Variants in CSMD3 observed in about 807,000 individuals in gnomAD.
CSMD3 encodes the protein CUB and sushi domain-containing protein 3.
Under a neutral mutation model 435.2 loss-of-function variants are expected in CSMD3, and 177 were observed. The observed-to-expected ratio is 0.41, with a 90% CI of 0.36 to 0.46. The LOEUF is 0.46. Among genes scored for constraint, CSMD3 ranks in the 20% least tolerant of loss-of-function variants. The probability of loss-of-function intolerance (pLI) is 0.34; values close to 1 mark genes in which losing one functional copy is unlikely to be tolerated. For missense variants in CSMD3, 4,265 were observed against 4,504.6 expected, an observed-to-expected ratio of 0.95 and a Z score of 1.52; for synonymous variants, 1,656 against 1,520.5, an observed-to-expected ratio of 1.09 and a Z score of -2.07.
intron 5 of CSMD3, among the ~76,000 whole-genome samples, chr8:113,077,858 A>G (rs2089409189): frequency 6.6e-6 from 1 of 152,234 alleles, no homozygotes; most frequent in Non-Finnish European, 1.5e-5. Context: ...TGAAACATTA[A>G]TTGGTTTATA....
chr8:112,265,589 T>G lies in CSMD3; in HGVS notation c.9510A>C (p.Ile3170=), dbSNP rs532930873. ...GTATACCTGGGTCTCCACAACTGAT[T>G]ACTGTCAGTATTGGATTAGAAGAGC... ...TWSGTLPNCT[I]ISCGDPGIPA... is the part of the protein sequence containing the mutation. The change falls in exon 60 of 71, where the codon ATA becomes ATC. Residue 3170 remains isoleucine, a splice_region_variant and synonymous_variant. Transcript: ENST00000297405. 1 of 1,605,702 alleles carries G rather than the reference T, an allele frequency of 6.2e-7. No homozygotes were observed. Among genetic ancestry groups the G allele is most frequent in the African/African-American group, 1.3e-5 (1 of 74,868 alleles).
At chr8:113,430,327 G>C (rs1203358979) in intron 1 of CSMD3, among the ~76,000 whole-genome samples, 1 of 151,818 alleles carries the variant, frequency 6.6e-6, no homozygotes, top group African/African-American at 2.4e-5. Flanking sequence ...GGCTAGGTAC[G>C]TAATTTATGT....
intron 3 of CSMD3, among the ~76,000 whole-genome samples, chr8:113,187,668 T>C (rs919135495): frequency 6.6e-6 from 1 of 151,966 alleles, no homozygotes; most frequent in East Asian, 1.9e-4. Context: ...TCTAACATTT[T>C]AAAAAAGAGA....
intron 2 of CSMD3, among the ~76,000 whole-genome samples, chr8:113,294,001 C>T (rs866125105): frequency 3.3e-5 from 5 of 151,900 alleles, no homozygotes; most frequent in African/African-American, 4.8e-5. Context: ...CCATTGAAAC[C>T]GGATTTATAT....
chr8:112,557,426 A>G (rs1828219306), intron 24 of CSMD3, among the ~76,000 whole-genome samples: 1 of 151,946 alleles, frequency 6.6e-6, no homozygotes, highest in Non-Finnish European at 1.5e-5. Flanking sequence ...TTGTTCCTGG[A>G]GGATGGGGGC....
intron 24 of CSMD3, among the ~76,000 whole-genome samples, chr8:112,568,401 T>C (rs1387559363): frequency 6.6e-6 from 1 of 152,004 alleles, no homozygotes; most frequent in African/African-American, 2.4e-5. Context: ...GAGACCAGCC[T>C]GGCCAATATG....
intron 3 of CSMD3, among the ~76,000 whole-genome samples, chr8:113,247,982 C>T (rs1042552409): frequency 3.9e-5 from 6 of 151,950 alleles, no homozygotes; most frequent in African/African-American, 1.5e-4. Context: ...ATTAAGTCAA[C>T]AAATAAGGCA....
At chr8:112,514,172 T>G (rs1823436661) in intron 28 of CSMD3, among the ~76,000 whole-genome samples, 2 of 152,112 alleles carry the variant, frequency 1.3e-5, no homozygotes, top group Non-Finnish European at 2.9e-5. Flanking sequence ...GGAACACAGG[T>G]GTGCATCTAT....
intron 12 of CSMD3, among the ~76,000 whole-genome samples, chr8:112,808,273 G>T (rs2079140342): frequency 6.6e-6 from 1 of 152,102 alleles, no homozygotes. Flanking sequence ...GCCCGGTAAA[G>T]TATCTTTTAA....
chr8:112,584,651 T>C (rs2131342952), intron 23 of CSMD3, among the ~76,000 whole-genome samples: 1 of 151,890 alleles, frequency 6.6e-6, no homozygotes, highest in Admixed American at 6.6e-5. Context: ...CTCCTAAACT[T>C]GATTCTCATA....
intron 4 of CSMD3, among the ~76,000 whole-genome samples, chr8:113,121,065 G>A (rs1213512755): frequency 6.6e-6 from 1 of 152,056 alleles, no homozygotes; most frequent in African/African-American, 2.4e-5. Flanking sequence ...TTTATACAGT[G>A]CTAACATTTG....
At chr8:112,766,659 G>C (rs1428918814) in intron 13 of CSMD3, among the ~76,000 whole-genome samples, 2 of 151,786 alleles carry the variant, frequency 1.3e-5, no homozygotes, top group East Asian at 1.9e-4. Flanking sequence ...CCCTGAGAAA[G>C]CATTTCTGCT....
chr8:113,301,411 C>T (rs566906265), intron 2 of CSMD3, among the ~76,000 whole-genome samples: 7 of 151,994 alleles, frequency 4.6e-5, no homozygotes, highest in African/African-American at 1.7e-4. Flanking sequence ...TGGCAATGAA[C>T]TGTTTTATAT....
At chr8:112,357,421 A>G (rs1425597597) in intron 38 of CSMD3, among the ~76,000 whole-genome samples, 1 of 152,234 alleles carries the variant, frequency 6.6e-6, no homozygotes, top group East Asian at 1.9e-4. Flanking sequence ...GTGCAGTCTG[A>G]CAATGTGATA....
At chr8:113,351,646 C>A (rs1352373741) in intron 1 of CSMD3, among the ~76,000 whole-genome samples, 1 of 152,062 alleles carries the variant, frequency 6.6e-6, no homozygotes, top group African/African-American at 2.4e-5. Flanking sequence ...TATTAAGATG[C>A]AGCTGCTGAG....
At chr8:113,051,206 A>G (rs1224472492) in intron 5 of CSMD3, among the ~76,000 whole-genome samples, 3 of 152,144 alleles carry the variant, frequency 2.0e-5, no homozygotes, top group Admixed American at 2.0e-4. Context: ...GCTGTTGGTT[A>G]CATTAGCCTG....
chr8:113,142,968 T>A (rs72685873), intron 4 of CSMD3, among the ~76,000 whole-genome samples: 9,999 of 150,522 alleles, frequency 0.066, 443 homozygotes, highest in Non-Finnish European at 0.095. Context: ...ATTTTATTTT[T>A]AAAAAAATCT....
intron 6 of CSMD3, among the ~76,000 whole-genome samples, chr8:113,005,904 A>ATT (rs2086039077): frequency 1.3e-5 from 2 of 152,028 alleles, no homozygotes; most frequent in Non-Finnish European, 2.9e-5. Context: ...GATTTGCCTG[A>ATT]TAACAAGATT....
intron 1 of CSMD3, among the ~76,000 whole-genome samples, chr8:113,428,417 A>T (rs2094649948): frequency 6.6e-6 from 1 of 151,732 alleles, no homozygotes; most frequent in African/African-American, 2.4e-5. Context: ...TGAATCTATT[A>T]TCCTTTCAGA....
Sources: gnomAD v4.1 joint callset for allele counts (sites outside exome capture counted in the v4.1 genomes callset) on GRCh38, gnomAD v4.1.1 for gene constraint, MANE v1.5 for transcripts, NCBI Gene and HGNC (gene_info 2026-07-23, HGNC 2026-07-21) for gene names.